The following ARHGAP6 variants were observed in gnomAD, a reference collection of about 807,000 sequenced individuals.
The protein encoded by ARHGAP6 is Rho GTPase activating protein 6.
A neutral mutation model predicts 55.7 loss-of-function variants in ARHGAP6; 16 were observed. That is an observed-to-expected ratio of 0.29 (90% CI 0.19 to 0.44). The LOEUF (loss-of-function observed/expected upper bound fraction) is 0.44. Among genes scored for constraint, ARHGAP6 ranks in the 20% least tolerant of loss-of-function variants. The pLI, the probability that ARHGAP6 is intolerant of heterozygous loss-of-function variation, is 1.00. For synonymous variants in ARHGAP6, 382 were observed against 360.9 expected (o/e 1.06, Z -0.66); for missense variants, 698 against 808.9 (o/e 0.86, Z 1.66).
intron 1 of ARHGAP6, among the ~76,000 whole-genome samples, chrX:11,325,810 G>A (rs1443478270): frequency 8.9e-6 from 1 of 112,158 alleles, no homozygotes; most frequent in Non-Finnish European, 1.9e-5. Flanking sequence ...CACCCAATAA[G>A]ACATTTAGGG....
intron 1 of ARHGAP6, among the ~76,000 whole-genome samples, chrX:11,567,566 A>AAAAAAAAAAAAAAAAATATATATATAT (rs1440758737): frequency 1.2e-5 from 1 of 84,409 alleles, no homozygotes; most frequent in Non-Finnish European, 2.3e-5. Context: ...AAAAAAAAAA[A>AAAAAAAAAAAAAAAAATATATATATAT]ATATATATAT....
intron 2 of ARHGAP6, among the ~76,000 whole-genome samples, chrX:11,239,300 G>A (rs1221927317): frequency 9.0e-6 from 1 of 111,382 alleles, no homozygotes; most frequent in Non-Finnish European, 1.9e-5. Context: ...ATGTATTCAA[G>A]CAAAGGTTGG....
Position 11,265,768 on chromosome X carries a change from TA to T in ARHGAP6, c.589-11062del. 8.6e-6 allele frequency: 8 copies of T among 931,301 alleles called. No homozygotes were observed. In the South Asian group the frequency reaches 1.9e-4, roughly 22 times the overall value. The allele number at this position is 931,301 out of a possible 1,213,427, so 76.7% of individuals were successfully genotyped here. A position where few individuals can be genotyped will look rare whatever the true frequency, so the allele number is the denominator to read the frequency against. Reference sequence around the variant, plus strand: ...TTGCAGTAGGAAGTTGAGTCTGTTTTAAAAAAATTATTTTTTTGGTAAAAAA... The same window carrying T: ...TTGCAGTAGGAAGTTGAGTCTGTTTTAAAAAATTATTTTTTTGGTAAAAAA... On this transcript the variant is annotated intron_variant, in intron 1 of 12. Coordinates refer to ENST00000337414, the MANE Select transcript of ARHGAP6 (RefSeq NM_013427.3).
chrX:11,343,002 C>T (rs1603102327), intron 1 of ARHGAP6, among the ~76,000 whole-genome samples: 2 of 112,199 alleles, frequency 1.8e-5, no homozygotes, highest in Admixed American at 1.9e-4. Flanking sequence ...TTAGCCACTT[C>T]TGCCAAATAT....
chrX:11,454,363 C>G (rs2050176430), intron 1 of ARHGAP6, among the ~76,000 whole-genome samples: 1 of 110,835 alleles, frequency 9.0e-6, no homozygotes, highest in Non-Finnish European at 1.9e-5. Context: ...AATATAAGCT[C>G]TAAAATACTT....
At chrX:11,471,938 T>G (rs1460463293) in intron 1 of ARHGAP6, among the ~76,000 whole-genome samples, 1 of 112,008 alleles carries the variant, frequency 8.9e-6, no homozygotes, top group East Asian at 2.8e-4. Flanking sequence ...ACGCATTCAT[T>G]AATCCATCAA....
chrX:11,289,910 G>A (rs1308049851), intron 1 of ARHGAP6, among the ~76,000 whole-genome samples: 6 of 111,813 alleles, frequency 5.4e-5, no homozygotes, highest in African/African-American at 1.3e-4. Context: ...ACTTAAACCC[G>A]GGAGGCAGAG....
intron 1 of ARHGAP6, among the ~76,000 whole-genome samples, chrX:11,540,541 A>G (rs748770571): frequency 9.0e-6 from 1 of 111,538 alleles, no homozygotes; most frequent in South Asian, 3.8e-4. Context: ...TTGGCCAAAT[A>G]GCTGGTCATT....
At chrX:11,642,478 T>C (rs1278115399) in intron 1 of ARHGAP6, among the ~76,000 whole-genome samples, 1 of 111,872 alleles carries the variant, frequency 8.9e-6, no homozygotes, top group African/African-American at 3.2e-5. Flanking sequence ...ACACAAAGAC[T>C]TGCACAAGAA....
At chrX:11,211,406 A>ATT (rs1378880098) in intron 2 of ARHGAP6, among the ~76,000 whole-genome samples, 6 of 106,957 alleles carry the variant, frequency 5.6e-5, no homozygotes, top group Non-Finnish European at 3.8e-5. Flanking sequence ...AATTTTTTGT[A>ATT]TTTTTAGTAG....
intron 1 of ARHGAP6, among the ~76,000 whole-genome samples, chrX:11,647,279 A>G (rs1368306027): frequency 8.9e-6 from 1 of 112,307 alleles, no homozygotes; most frequent in Non-Finnish European, 1.9e-5. Flanking sequence ...TAAGCAACCA[A>G]TGAGCACAGA....
intron 1 of ARHGAP6, among the ~76,000 whole-genome samples, chrX:11,310,160 C>CAAAAAA (rs141903078): frequency 2.1e-5 from 1 of 48,095 alleles, no homozygotes; most frequent in Non-Finnish European, 3.7e-5. Flanking sequence ...GACTCTATCT[C>CAAAAAA]AAAAAAAAAA....
At chrX:11,265,335 C>A (rs891812359) in intron 1 of ARHGAP6, among the ~76,000 whole-genome samples, 17 of 112,127 alleles carry the variant, frequency 1.5e-4, no homozygotes, top group African/African-American at 5.5e-4. Context: ...AATGTTGCAC[C>A]CATATTCAAG....
intron 1 of ARHGAP6, among the ~76,000 whole-genome samples, chrX:11,493,953 C>T (rs189748268): frequency 9.2e-6 from 1 of 108,506 alleles, no homozygotes; most frequent in East Asian, 2.9e-4. Flanking sequence ...CCCACCTCAG[C>T]CTCCCAAGTA....
intron 1 of ARHGAP6, among the ~76,000 whole-genome samples, chrX:11,434,635 C>A (rs755642613): frequency 9.0e-5 from 10 of 111,327 alleles, no homozygotes; most frequent in Non-Finnish European, 1.7e-4. Flanking sequence ...GGTTTCAAAG[C>A]AATTTTGCAT....
intron 1 of ARHGAP6, among the ~76,000 whole-genome samples, chrX:11,646,854 T>C (rs2052533690): frequency 8.9e-6 from 1 of 112,538 alleles, no homozygotes; most frequent in Admixed American, 9.4e-5. Context: ...TACAAATTCC[T>C]ACCATGAAAG....
intron 2 of ARHGAP6, among the ~76,000 whole-genome samples, chrX:11,203,360 G>A (rs1269590373): frequency 1.8e-5 from 2 of 111,809 alleles, no homozygotes; most frequent in African/African-American, 3.3e-5. Flanking sequence ...AATTTCCAGA[G>A]TGCCATTTTT....
At chrX:11,615,492 A>G (rs139250529) in intron 1 of ARHGAP6, among the ~76,000 whole-genome samples, 69 of 111,721 alleles carry the variant, frequency 6.2e-4, no homozygotes, top group Admixed American at 9.5e-4. Flanking sequence ...GGTGTACCCT[A>G]TCAGAGCTGA....
At chrX:11,274,540 T>C (rs1305122591) in intron 1 of ARHGAP6, among the ~76,000 whole-genome samples, 2 of 111,879 alleles carry the variant, frequency 1.8e-5, no homozygotes, top group Non-Finnish European at 3.8e-5. Flanking sequence ...ATATATGACA[T>C]AGGGGATGAC....
Sources: gnomAD v4.1 joint callset for allele counts (sites outside exome capture counted in the v4.1 genomes callset) on GRCh38, gnomAD v4.1.1 for gene constraint, MANE v1.5 for transcripts, NCBI Gene and HGNC (gene_info 2026-07-23, HGNC 2026-07-21) for gene names.